ADGRL2: variants seen among roughly 807,000 people sequenced by gnomAD.
The protein encoded by ADGRL2 is adhesion G protein-coupled receptor L2, also known as calcium-independent alpha-latrotoxin receptor 2.
ADGRL2 carries 44 observed loss-of-function variants against 157.4 expected under a neutral mutation model. That is an observed-to-expected ratio of 0.28 (90% CI 0.22 to 0.36). The LOEUF (loss-of-function observed/expected upper bound fraction) is 0.36. ADGRL2 is among the 10% of genes least tolerant of loss of function. ADGRL2 has a pLI of 1.00. For missense variants in ADGRL2, 1,510 were observed against 1,768.9 expected (o/e 0.85, Z 2.63); for synonymous variants, 585 against 624.7 (o/e 0.94, Z 0.95).
At chr1:81,537,272 C>CT (rs1023209073) in intron 2 of ADGRL2, among the ~76,000 whole-genome samples, 12 of 151,882 alleles carry the variant, frequency 7.9e-5, no homozygotes, top group East Asian at 3.9e-4. Context: ...ATGACTATTT[C>CT]TTTTTTTTGT....
At chr1:81,978,086 AAC>A (rs1288422548) in intron 17 of ADGRL2, among the ~76,000 whole-genome samples, 1 of 151,572 alleles carries the variant, frequency 6.6e-6, no homozygotes, top group Non-Finnish European at 1.5e-5. Context: ...TTAAAAAAAA[AAC>A]ACACTCTTAA....
At chr1:81,449,544 A>G (rs2077667413) in intron 2 of ADGRL2, among the ~76,000 whole-genome samples, 1 of 152,186 alleles carries the variant, frequency 6.6e-6, no homozygotes, top group African/African-American at 2.4e-5. Flanking sequence ...GAAAAAATTC[A>G]TTCACTTCAG....
At chr1:81,739,367 C>A (rs1162836583) in intron 1 of ADGRL2, among the ~76,000 whole-genome samples, 3 of 152,172 alleles carry the variant, frequency 2.0e-5, no homozygotes, top group African/African-American at 7.2e-5. Flanking sequence ...GCATCTACAA[C>A]AGTACCAGCA....
chr1:81,926,757 G>T (rs1450543275), intron 3 of ADGRL2, among the ~76,000 whole-genome samples: 1 of 151,872 alleles, frequency 6.6e-6, no homozygotes, highest in Admixed American at 6.6e-5. Flanking sequence ...AGTCTCAGTG[G>T]CATGCTTTGT....
At chr1:81,984,416 T>A in intron 19 of ADGRL2, 167 bp from the exon 20 acceptor site, 1 of 589,956 alleles carries the variant, frequency 1.7e-6, no homozygotes, top group Non-Finnish European at 2.9e-6. Context: ...GATTACTATT[T>A]CAGTAATTTT....
chr1:81,414,180 A>G (rs1217347584), intron 1 of ADGRL2: 1 of 152,174 alleles, frequency 6.6e-6, no homozygotes, highest in Non-Finnish European at 1.5e-5. Flanking sequence ...GTTTCAGGGT[A>G]GAAAGGGTCC....
In ADGRL2 at chr1:81,943,596, A is replaced by T; in HGVS notation, c.1037A>T (p.Tyr346Phe). The T allele has an allele frequency of 6.2e-7, 1 of 1,613,782 alleles. No homozygotes were observed. Among genetic ancestry groups the T allele is most frequent in the East Asian group, 2.2e-5 (1 of 44,876 alleles). The change falls in exon 6 of 24, where the codon TAC becomes TTC. Residue 346 changes from tyrosine to phenylalanine, a missense_variant. Tyr to Phe is a conservative substitution (Grantham distance 22). Transcript: ENST00000686636. This position sits in a 1 kb window ranked among gnomAD's most constrained non-coding sequence, Gnocchi z 5.6. ...GAAACAGGCAAGAACTCAATTGATT[A>T]CATTTATAATACCCGATTAAACCGA... ...ESETGKNSID[Y>F]IYNTRLNRGE... is the part of the protein sequence containing the mutation.
chr1:81,832,864 A>C (rs2092044429), intron 1 of ADGRL2, among the ~76,000 whole-genome samples: 1 of 152,328 alleles, frequency 6.6e-6, no homozygotes, highest in African/African-American at 2.4e-5. Context: ...CCCAGGGGTA[A>C]TGATGTGTTC....
intron 2 of ADGRL2, among the ~76,000 whole-genome samples, chr1:81,446,982 A>T (rs1329328036): frequency 6.6e-6 from 1 of 152,138 alleles, no homozygotes; most frequent in Non-Finnish European, 1.5e-5. Flanking sequence ...TACTTAAAAA[A>T]CTATTAATTA....
At chr1:81,605,451 A>G (rs1329151202) in intron 3 of ADGRL2, among the ~76,000 whole-genome samples, 1 of 152,244 alleles carries the variant, frequency 6.6e-6, no homozygotes, top group Non-Finnish European at 1.5e-5. Flanking sequence ...AAGAAATCTA[A>G]CAGTCATACG....
At chr1:81,380,745 C>T (rs900965026) in intron 1 of ADGRL2, among the ~76,000 whole-genome samples, 41 of 151,890 alleles carry the variant, frequency 2.7e-4, no homozygotes, top group African/African-American at 5.1e-4. Flanking sequence ...ATTCCAAAAC[C>T]GCAGATTTAT....
At chr1:81,438,587 T>C (rs2077452037) in intron 1 of ADGRL2, among the ~76,000 whole-genome samples, 2 of 152,180 alleles carry the variant, frequency 1.3e-5, no homozygotes, top group Non-Finnish European at 2.9e-5. Context: ...TAAACCACCA[T>C]ATCAGAAAAT....
chr1:81,989,142 C>A (rs1664031662), intron 23 of ADGRL2, among the ~76,000 whole-genome samples: 1 of 152,030 alleles, frequency 6.6e-6, no homozygotes, highest in Non-Finnish European at 1.5e-5. Flanking sequence ...AACTCTGATT[C>A]AAATAGAGCA....
chr1:81,716,149 G>A (rs996859859), intron 1 of ADGRL2, among the ~76,000 whole-genome samples: 2 of 152,190 alleles, frequency 1.3e-5, no homozygotes, highest in Non-Finnish European at 2.9e-5. Flanking sequence ...AATCTTAAAA[G>A]TTTATTTCTA....
chr1:81,406,438 T>C (rs1276870600), intron 1 of ADGRL2, among the ~76,000 whole-genome samples: 6 of 152,162 alleles, frequency 3.9e-5, no homozygotes, highest in African/African-American at 1.2e-4. Context: ...TCCTAAATAG[T>C]AACATCTGGT....
intron 3 of ADGRL2, among the ~76,000 whole-genome samples, chr1:81,609,551 A>G (rs1422802937): frequency 6.6e-6 from 1 of 152,176 alleles, no homozygotes; most frequent in African/African-American, 2.4e-5. Flanking sequence ...TATTAAATAA[A>G]ACATACTAGC....
At chr1:81,337,348 C>T (rs1258351973) in intron 1 of ADGRL2, among the ~76,000 whole-genome samples, 1 of 141,724 alleles carries the variant, frequency 7.1e-6, no homozygotes, top group East Asian at 2.0e-4. Context: ...TGTGGGTATC[C>T]CCCTAGATGC....
intron 2 of ADGRL2, among the ~76,000 whole-genome samples, chr1:81,855,539 C>G (rs1430173037): frequency 1.3e-5 from 2 of 152,054 alleles, no homozygotes; most frequent in African/African-American, 2.4e-5. Context: ...TTTTCTTCCT[C>G]TTCTTTTTCT....
At chr1:81,760,720 ACT>A (rs1026256399) in intron 1 of ADGRL2, among the ~76,000 whole-genome samples, 4 of 106,630 alleles carry the variant, frequency 3.8e-5, no homozygotes, top group East Asian at 3.7e-4. Flanking sequence ...GCTTAAAAAT[ACT>A]TTTTTTTTTT....
Sources: gnomAD v4.1 joint callset for allele counts (sites outside exome capture counted in the v4.1 genomes callset) on GRCh38, gnomAD v4.1.1 for gene constraint, Gnocchi (gnomAD v3.1) non-coding constraint, MANE v1.5 for transcripts, NCBI Gene and HGNC (gene_info 2026-07-23, HGNC 2026-07-21) for gene names.